JARID2: variants seen among roughly 807,000 people sequenced by gnomAD.
JARID2 encodes the protein protein Jumonji.
A neutral mutation model predicts 125.6 loss-of-function variants in JARID2; 21 were observed. That is an observed-to-expected ratio of 0.17 (90% CI 0.12 to 0.24). JARID2 has a LOEUF of 0.24. Ranked by LOEUF, JARID2 falls within the 10% of genes least tolerant of loss-of-function variation. The pLI is 1.00. For synonymous variants in JARID2, 736 were observed against 661.6 expected (o/e 1.11, Z -1.73); for missense variants, 1,303 against 1,639.6 (o/e 0.79, Z 3.55).
intron 1 of JARID2, among the ~76,000 whole-genome samples, chr6:15,347,169 A>G (rs138911700): frequency 9.2e-5 from 14 of 152,350 alleles, no homozygotes; most frequent in African/African-American, 3.4e-4. Context: ...AGCAGCTACT[A>G]TATATTTAAG....
At position 15,487,458 on chromosome 6, in the gene JARID2, C is replaced by T. The variant is rs1423864177; in HGVS notation, c.822C>T (p.Pro274=). The stretch of plus-strand genomic sequence containing the variant: ...CAGCTAACCACCCCGCAGCGGCCCC[C>T]TCCACGGGTTCCTCGGCCAAGGGGC... ...QASANHPAAA[P]STGSSAKGLA... The change falls in exon 6 of 18, where the codon CCC becomes CCT. Residue 274 remains proline (P), a synonymous_variant. Coordinates refer to ENST00000341776, the MANE Select transcript of JARID2 (RefSeq NM_004973.4). 1 of 1,614,246 alleles carries T rather than the reference C, an allele frequency of 6.2e-7. No individual in the cohort carries two copies. The highest frequency in any genetic ancestry group is 8.5e-7 in the Non-Finnish European group (1 of 1,180,044).
At chr6:15,401,635 G>C (rs774017967) in intron 2 of JARID2, among the ~76,000 whole-genome samples, 1 of 152,114 alleles carries the variant, frequency 6.6e-6, no homozygotes, top group African/African-American at 2.4e-5. Flanking sequence ...ACCTGAAGTG[G>C]TTCTGGATTG....
At position 15,414,810 on chromosome 6, in the gene JARID2, TTTTG is replaced by T. The variant is rs776374094; in HGVS notation, c.323+4453_323+4456del. Among the ~76,000 whole-genome samples the T allele has an allele frequency of 1.2e-4, 18 of 152,344 alleles. No individual in the cohort carries two copies. In the East Asian group the frequency reaches 1.9e-3, roughly 16 times the overall value. On this transcript the variant is annotated intron_variant, in intron 3 of 17. Transcript: ENST00000341776. The stretch of plus-strand genomic sequence containing the variant: ...TTTACATAGTTTATAACATATATTT[TTTTG>T]TTTGTTTTTATTTATTTTTATTGAT...
intron 1 of JARID2, among the ~76,000 whole-genome samples, chr6:15,358,522 C>T (rs370685117): frequency 1.3e-5 from 2 of 152,098 alleles, no homozygotes; most frequent in Admixed American, 6.5e-5. Context: ...TTGGGGCAAC[C>T]GAAGCTTTGA....
At chr6:15,446,486 A>G in intron 3 of JARID2, among the ~76,000 whole-genome samples, 1 of 152,252 alleles carries the variant, frequency 6.6e-6, no homozygotes, top group African/African-American at 2.4e-5. Context: ...CTAGAGGATG[A>G]GAAGCCGCCA....
chr6:15,500,908 G>A lies in JARID2; in HGVS notation c.1947G>A (p.Gly649=). Residue 649 remains glycine (G), a splice_region_variant and synonymous_variant, in exon 8 of 18, where the codon GGG becomes GGA. Transcript: ENST00000341776. Reference sequence around the variant, plus strand: ...TTTTTTTCCCCTTCGCTGTCCCAGGGGGCTGTGAGCTCGACCTGGCCTGCT... The same window carrying A: ...TTTTTTTCCCCTTCGCTGTCCCAGGAGGCTGTGAGCTCGACCTGGCCTGCT... ...GITMDELPLI[G]GCELDLACFF... 1 of 1,600,188 alleles carries A rather than the reference G, an allele frequency of 6.2e-7. No homozygotes were observed. Among genetic ancestry groups the A allele is most frequent in the South Asian group, 1.1e-5 (1 of 88,890 alleles).
rs1265384403 is a variant in JARID2 at position 15,497,179 on chromosome 6, G to A, written c.1945+9G>A. Reference sequence around the variant, plus strand: ...CGAGCTCCCGCTCATAGGTAGGTCTGGGCGGGGGGTCAGGGGGTGGTGCCT... The same window carrying A: ...CGAGCTCCCGCTCATAGGTAGGTCTAGGCGGGGGGTCAGGGGGTGGTGCCT... On this transcript the variant is annotated intron_variant, in intron 7 of 17. Coordinates refer to ENST00000341776, the MANE Select transcript of JARID2 (RefSeq NM_004973.4). 13 of 1,532,942 alleles carry A rather than the reference G, an allele frequency of 8.5e-6. No individual in the cohort carries two copies. The South Asian group carries it at 1.5e-4, about 17-fold the overall frequency. 95.0% of individuals were successfully genotyped at this position (1,532,942 alleles called of 1,614,324 possible).
chr6:15,407,329 T>C (rs1765690931), intron 2 of JARID2, among the ~76,000 whole-genome samples: 1 of 152,116 alleles, frequency 6.6e-6, no homozygotes, highest in Admixed American at 6.6e-5. Context: ...CACCTGGGAA[T>C]GTGTTAGAAC....
At chr6:15,415,974 G>T (rs1298088694) in intron 3 of JARID2, among the ~76,000 whole-genome samples, 4 of 150,974 alleles carry the variant, frequency 2.6e-5, no homozygotes, top group Non-Finnish European at 4.4e-5. Flanking sequence ...TCTCAGACAG[G>T]GCGGCTGGGC....
At chr6:15,400,707 T>C in intron 2 of JARID2, 1 of 672,820 alleles carries the variant, frequency 1.5e-6, no homozygotes, top group African/African-American at 1.9e-5. Context: ...ACCCCTCCTC[T>C]TTGGTGTTCG....
chr6:15,362,137 C>CT (rs1561814310), intron 1 of JARID2, among the ~76,000 whole-genome samples: 1 of 151,894 alleles, frequency 6.6e-6, no homozygotes, highest in African/African-American at 2.4e-5. Context: ...TCTGCGCCCC[C>CT]CCCGCCTCCC....
chr6:15,456,554 G>C (rs1768184800), intron 4 of JARID2, among the ~76,000 whole-genome samples: 1 of 151,894 alleles, frequency 6.6e-6, no homozygotes, highest in Admixed American at 6.6e-5. Flanking sequence ...TTAGATCTGA[G>C]GTATTAAAAA....
rs774162095 is a variant in JARID2 at position 15,517,274 on chromosome 6, T to A, written c.3558+6T>A. The A allele has an allele frequency of 6.2e-7, 1 of 1,605,054 alleles. No homozygotes were observed. The highest frequency in any genetic ancestry group is 1.1e-5 in the South Asian group (1 of 90,910). ...TGATGTACCGCTACGATGAGGTCAG[T>A]CCCTGCCCGCGGGGTAGGGCAGGGC... is the stretch of plus-strand genomic sequence containing the variant. On this transcript the variant is annotated splice_donor_region_variant and intron_variant, in intron 17 of 17. Transcript: ENST00000341776.
intron 1 of JARID2, among the ~76,000 whole-genome samples, chr6:15,326,773 T>TA (rs1290901102): frequency 1.3e-5 from 2 of 152,248 alleles, no homozygotes; most frequent in African/African-American, 2.4e-5. Context: ...AGTTCTGGGA[T>TA]AATAGGCGTC....
At chr6:15,296,020 T>G (rs1309729580) in intron 1 of JARID2, among the ~76,000 whole-genome samples, 1 of 152,240 alleles carries the variant, frequency 6.6e-6, no homozygotes, top group African/African-American at 2.4e-5. Flanking sequence ...GGACTACACC[T>G]GTCCAGCCAT....
Position 15,508,327 on chromosome 6 carries a change from C to G in JARID2, c.2732-13C>G. On this transcript the variant is annotated splice_polypyrimidine_tract_variant and intron_variant, in intron 11 of 17. Transcript: ENST00000341776. ...AGCTTTTAAAAATGCCCTTTTCACT[C>G]TTTCTGTTTTAGGAGTGACTATTCC... 2 of 1,407,172 alleles carry G rather than the reference C, an allele frequency of 1.4e-6. No homozygotes were observed. Among genetic ancestry groups the G allele is most frequent in the Non-Finnish European group, 2.0e-6 (2 of 991,366 alleles). 87.2% of individuals were successfully genotyped at this position (1,407,172 alleles called of 1,614,324 possible). A position where few individuals can be genotyped will look rare whatever the true frequency, so the allele number is the denominator to read the frequency against.
intron 2 of JARID2, among the ~76,000 whole-genome samples, chr6:15,397,274 A>G (rs1022850201): frequency 1.4e-4 from 21 of 152,200 alleles, no homozygotes; most frequent in African/African-American, 4.1e-4. Flanking sequence ...GGTCAATACT[A>G]CGTAATTTCA....
intron 2 of JARID2, among the ~76,000 whole-genome samples, chr6:15,394,444 T>TA (rs1412111224): frequency 2.6e-5 from 4 of 151,950 alleles, no homozygotes; most frequent in African/African-American, 7.3e-5. Flanking sequence ...ACAAAAAATA[T>TA]AAAAAATTAG....
At chr6:15,298,555 C>T (rs544233453) in intron 1 of JARID2, among the ~76,000 whole-genome samples, 154 of 151,920 alleles carry the variant, frequency 1.0e-3, no homozygotes, top group African/African-American at 3.4e-3. Flanking sequence ...TGGTGCATGC[C>T]TCTAGTCCCA....
Sources: allele counts gnomAD v4.1 joint callset (sites outside exome capture counted in the v4.1 genomes callset), GRCh38; gene constraint gnomAD v4.1.1; transcripts MANE v1.5; gene names NCBI Gene and HGNC (gene_info 2026-07-23, HGNC 2026-07-21).